SLC25A15: variants seen among roughly 807,000 people sequenced by gnomAD.
SLC25A15 encodes solute carrier family 25 member 15, also known as mitochondrial ornithine transporter 1.
Under a neutral mutation model 32.3 loss-of-function variants are expected in SLC25A15, and 24 were observed. That is an observed-to-expected ratio of 0.74 (90% CI 0.54 to 1.04). The LOEUF is 1.04. Ranked by LOEUF, SLC25A15 falls within the 50% of genes least tolerant of loss-of-function variation. The pLI, the probability that SLC25A15 is intolerant of heterozygous loss-of-function variation, is 0.00. For synonymous variants in SLC25A15, 132 were observed against 142.1 expected, an observed-to-expected ratio of 0.93 and a Z score of 0.51; for missense variants, 317 against 374.5, an observed-to-expected ratio of 0.85 and a Z score of 1.27.
intron 2 of SLC25A15, among the ~76,000 whole-genome samples, chr13:40,795,679 A>G (rs550406864): frequency 2.4e-4 from 37 of 152,142 alleles, no homozygotes; most frequent in African/African-American, 8.2e-4. Context: ...GACATGGTCT[A>G]TAGGTTGGGG....
chr13:40,809,557 T>G lies in SLC25A15; in HGVS notation c.796T>G (p.Tyr266Asp). The change falls in exon 7 of 7, where the codon TAT (tyrosine) becomes GAT (aspartate). Residue 266 changes from tyrosine (Y) to aspartate (D), a missense_variant. Physicochemically the swap from Tyr to Asp is radical, Grantham distance 160. Coordinates refer to ENST00000338625, the MANE Select transcript of SLC25A15 (RefSeq NM_014252.4). ...VVKNEGITAL[Y>D]SGLKPTMIRA... ...TTATTTGCTAGGAATAACGGCCTTA[T>G]ATTCTGGACTGAAACCTACTATGAT... 1 of 1,612,072 alleles carries G rather than the reference T, an allele frequency of 6.2e-7. No homozygotes were observed. The highest frequency in any genetic ancestry group is 2.2e-5 in the East Asian group (1 of 44,890).
rs531983192 is a variant in SLC25A15, at chr13:40,808,787, C to T, written c.781+191C>T. On this transcript the variant is annotated intron_variant, in intron 6 of 6. Coordinates refer to ENST00000338625, the MANE Select transcript of SLC25A15 (RefSeq NM_014252.4). Reference sequence around the variant, plus strand: ...TCTCTACTAAAAATACCAAAAAAATCAGCCAGGCGTGGTGGCAGGCACCTG... The same window carrying T: ...TCTCTACTAAAAATACCAAAAAAATTAGCCAGGCGTGGTGGCAGGCACCTG... Among the ~76,000 whole-genome samples, 72 of 151,756 alleles carry T rather than the reference C, an allele frequency of 4.7e-4. 2 individuals carry two copies. In the East Asian group the frequency reaches 0.012, roughly 26 times the overall value.
chr13:40,809,429 T>G (rs1225226726), intron 6 of SLC25A15, 114 bp from the exon 7 acceptor site: 1 of 1,339,084 alleles, frequency 7.5e-7, no homozygotes. Context: ...GACTTGTTGG[T>G]TTTTAGCACT....
At chr13:40,807,602 C>T in intron 5 of SLC25A15, 139 bp downstream of exon 5, 2 of 937,096 alleles carry the variant, frequency 2.1e-6, no homozygotes, top group Non-Finnish European at 3.4e-6. Flanking sequence ...TTCTGGATGC[C>T]TGAAGGTAAC....
intron 1 of SLC25A15, among the ~76,000 whole-genome samples, chr13:40,792,026 T>G (rs1408078826): frequency 6.6e-6 from 1 of 152,226 alleles, no homozygotes; most frequent in African/African-American, 2.4e-5. Flanking sequence ...TGTTCCTTAT[T>G]ATTTGCAAAT....
chr13:40,801,542 C>T (rs997094175), intron 3 of SLC25A15, among the ~76,000 whole-genome samples: 19 of 152,196 alleles, frequency 1.2e-4, no homozygotes, highest in African/African-American at 4.6e-4. Context: ...GTCCTCTGAG[C>T]TCCTGCCCAG....
chr13:40,793,286 A>G lies in SLC25A15; in HGVS notation c.55+5A>G. The stretch of plus-strand genomic sequence containing the variant: ...ACCTCACAGCGGGGGCTGCAGGTAC[A>G]GTCATGTGCCTCATCACCATGTTTC... On this transcript the variant is annotated splice_donor_5th_base_variant and intron_variant, in intron 2 of 6. Coordinates refer to ENST00000338625, the MANE Select transcript of SLC25A15 (RefSeq NM_014252.4). The G allele has an allele frequency of 6.2e-7, 1 of 1,612,904 alleles. No individual in the cohort carries two copies. Among genetic ancestry groups the G allele is most frequent in the Non-Finnish European group, 8.5e-7 (1 of 1,179,338 alleles).
At chr13:40,798,893 C>T (rs1443510750) in intron 2 of SLC25A15, 164 bp from the exon 3 acceptor site, 1 of 985,294 alleles carries the variant, frequency 1.0e-6, no homozygotes, top group African/African-American at 1.7e-5. Context: ...ACATCAAGGA[C>T]CTGCTCTAAA....
rs185312797 is a variant in SLC25A15 at position 40,809,971 on chromosome 13, G to C, written c.*304G>C. ...AATATAGTTCTGTCAGGGCTTTTAC[G>C]TAAACCTCCACTTGTACATGCAATT... On this transcript the variant is annotated 3_prime_UTR_variant, in exon 7 of 7. Transcript: ENST00000338625. The C allele has an allele frequency of 2.6e-6, 1 of 392,096 alleles. No individual in the cohort carries two copies. The highest frequency in any genetic ancestry group is 5.8e-5 in the East Asian group (1 of 17,250). The allele number at this position is 392,096 out of a possible 1,614,324, so 24.3% of individuals were successfully genotyped here. A position where few individuals can be genotyped will look rare whatever the true frequency, so the allele number is the denominator to read the frequency against.
At chr13:40,797,007 T>C (rs1423675611) in intron 2 of SLC25A15, among the ~76,000 whole-genome samples, 1 of 152,168 alleles carries the variant, frequency 6.6e-6, no homozygotes, top group Non-Finnish European at 1.5e-5. Flanking sequence ...TGGAGAAATA[T>C]AATATTTATT....
At chr13:40,792,395 G>C (rs1362815146) in intron 1 of SLC25A15, among the ~76,000 whole-genome samples, 1 of 152,210 alleles carries the variant, frequency 6.6e-6, no homozygotes, top group African/African-American at 2.4e-5. Context: ...TACTGAATCA[G>C]AGGCCGCATT....
rs927713580 is a variant in SLC25A15, at chr13:40,811,752, G to A, written c.*2085G>A. 2.0e-5 allele frequency among the ~76,000 whole-genome samples: 3 copies of A among 152,218 alleles called. No homozygotes were observed. Among genetic ancestry groups the A allele is most frequent in the African/African-American group, 7.2e-5 (3 of 41,442 alleles). On this transcript the variant is annotated 3_prime_UTR_variant, in exon 7 of 7. Coordinates refer to ENST00000338625, the MANE Select transcript of SLC25A15 (RefSeq NM_014252.4). ...TTCCTAAGCAGCCTGTATACTGAGT[G>A]CAAGCAGGCTATCAATTTTAATAAT...
intron 2 of SLC25A15, among the ~76,000 whole-genome samples, chr13:40,794,170 G>A (rs1327611742): frequency 1.3e-5 from 2 of 152,126 alleles, no homozygotes; most frequent in African/African-American, 2.4e-5. Flanking sequence ...GAGAAACCCC[G>A]TCTCTTCTAA....
At chr13:40,808,932 C>CAAA (rs58015661) in intron 6 of SLC25A15, among the ~76,000 whole-genome samples, 12 of 78,844 alleles carry the variant, frequency 1.5e-4, no homozygotes, top group African/African-American at 3.7e-4. Context: ...GACTCTGTCT[C>CAAA]AAAAAAAAAA....
chr13:40,808,702 G>A, intron 6 of SLC25A15, 106 bp downstream of exon 6: 1 of 937,094 alleles, frequency 1.1e-6, no homozygotes, highest in South Asian at 1.3e-5. Flanking sequence ...GGGAGGCTGA[G>A]GCAGGTGGAT....
intron 3 of SLC25A15, among the ~76,000 whole-genome samples, chr13:40,802,533 A>G (rs1881933867): frequency 6.6e-6 from 1 of 150,682 alleles, no homozygotes; most frequent in Non-Finnish European, 1.5e-5. Context: ...AATCTTTAAC[A>G]CTGGAAAAAC....
At chr13:40,794,334 C>CT (rs1367008419) in intron 2 of SLC25A15, among the ~76,000 whole-genome samples, 1 of 148,428 alleles carries the variant, frequency 6.7e-6, no homozygotes, top group African/African-American at 2.5e-5. Context: ...CAGTGAAACT[C>CT]TGTCTCAAAA....
chr13:40,810,825 T>C lies in SLC25A15; in HGVS notation c.*1158T>C. On this transcript the variant is annotated 3_prime_UTR_variant, in exon 7 of 7. Transcript: ENST00000338625. The stretch of plus-strand genomic sequence containing the variant: ...TGCTGTGCTCTGATGAAGACCCATG[T>C]GGCTAGCAACAGCGCTTACCTTTTG... The C allele has an allele frequency of 1.9e-6, 1 of 534,824 alleles. No homozygotes were observed. The highest frequency in any genetic ancestry group is 3.8e-6 in the Non-Finnish European group (1 of 260,094). 33.1% of individuals were successfully genotyped at this position (534,824 alleles called of 1,614,324 possible).
chr13:40,806,312 C>G (rs550548640), intron 4 of SLC25A15, among the ~76,000 whole-genome samples: 2 of 152,284 alleles, frequency 1.3e-5, no homozygotes, highest in South Asian at 4.2e-4. Flanking sequence ...CAGAAAGCTG[C>G]CCTCATGTTC....
Sources: gnomAD v4.1 joint callset for allele counts (sites outside exome capture counted in the v4.1 genomes callset) on GRCh38, gnomAD v4.1.1 for gene constraint, MANE v1.5 for transcripts, NCBI Gene and HGNC (gene_info 2026-07-23, HGNC 2026-07-21) for gene names.